The following PCDHGA7 variants were observed in gnomAD, a reference collection of about 807,000 sequenced individuals.
The protein encoded by PCDHGA7 is protocadherin gamma-A7.
A neutral mutation model predicts 58.3 loss-of-function variants in PCDHGA7; 44 were observed. The observed-to-expected ratio is 0.75, with a 90% CI of 0.59 to 0.97. The LOEUF (loss-of-function observed/expected upper bound fraction) is 0.97. PCDHGA7 is among the 50% of genes least tolerant of loss of function. The pLI, the probability that PCDHGA7 is intolerant of heterozygous loss-of-function variation, is 0.00. For synonymous variants in PCDHGA7, 516 were observed against 504.2 expected (o/e 1.02, Z -0.31); for missense variants, 1,266 against 1,188.7 (o/e 1.06, Z -0.96).
chr5:141,397,039 A>G (rs2093467837), intron 1 of PCDHGA7, among the ~76,000 whole-genome samples: 1 of 152,236 alleles, frequency 6.6e-6, no homozygotes, highest in Non-Finnish European at 1.5e-5. Context: ...CCACAAATTT[A>G]TGTAAATGAA....
chr5:141,408,448 G>A, intron 1 of PCDHGA7: 4 of 1,614,054 alleles, frequency 2.5e-6, no homozygotes, highest in Non-Finnish European at 2.5e-6. Context: ...CGGAGAGCGG[G>A]GACTTACTTG....
intron 1 of PCDHGA7, chr5:141,442,062 G>A (rs1001398926): frequency 7.0e-5 from 13 of 185,900 alleles, no homozygotes; most frequent in Admixed American, 1.3e-4. Context: ...GGTGCACTGC[G>A]GTGGACAGCC....
intron 1 of PCDHGA7, among the ~76,000 whole-genome samples, chr5:141,443,202 C>T (rs546748238): frequency 2.6e-5 from 4 of 152,172 alleles, no homozygotes; most frequent in Non-Finnish European, 1.5e-5. Flanking sequence ...GTACAAAGAG[C>T]TTGTCTCGCC....
chr5:141,404,455 C>T, intron 1 of PCDHGA7: 1 of 1,611,994 alleles, frequency 6.2e-7, no homozygotes, highest in Non-Finnish European at 8.5e-7. Context: ...GGTCTCCTCT[C>T]TCCACCTATG....
At chr5:141,427,870 C>T (rs773176633) in intron 1 of PCDHGA7, 86 of 1,558,630 alleles carry the variant, frequency 5.5e-5, no homozygotes, top group Non-Finnish European at 4.8e-5. Context: ...TTCGAGCTCA[C>T]GATGCAGGCC....
In PCDHGA7 at chr5:141,432,856, G is replaced by C; in HGVS notation, c.2424+47533G>C. 1 of 1,614,142 alleles carries C rather than the reference G, an allele frequency of 6.2e-7. No homozygotes were observed. The highest frequency in any genetic ancestry group is 1.7e-5 in the Admixed American group (1 of 60,030). On this transcript the variant is annotated intron_variant, in intron 1 of 3. Coordinates refer to ENST00000518325, the MANE Select transcript of PCDHGA7 (RefSeq NM_018920.4). This position sits in a 1 kb window ranked among gnomAD's most constrained non-coding sequence, Gnocchi z 6.0. Reference sequence around the variant, plus strand: ...TGTACCTGGTGGTAGCGGTGGCCGCGGTCTCCTGCGTCTTCCTGGCCTTCG... The same window carrying C: ...TGTACCTGGTGGTAGCGGTGGCCGCCGTCTCCTGCGTCTTCCTGGCCTTCG...
At position 141,511,940 on chromosome 5, in the gene PCDHGA7, G is replaced by A. The variant is rs2099884015; in HGVS notation, c.*767G>A. 1 of 154,118 alleles carries A rather than the reference G, an allele frequency of 6.5e-6. No homozygotes were observed. The highest frequency in any genetic ancestry group is 1.9e-4 in the East Asian group (1 of 5,214). 9.5% of individuals were successfully genotyped at this position (154,118 alleles called of 1,614,324 possible). ...TCCACTGCATGTTCCAAGACAGTAT[G>A]GGGTGGTAAGATAAGGAAGGGAAGT... On this transcript the variant is annotated 3_prime_UTR_variant, in exon 4 of 4. Coordinates refer to ENST00000518325, the MANE Select transcript of PCDHGA7 (RefSeq NM_018920.4).
chr5:141,414,909 C>G (rs1230113440), intron 1 of PCDHGA7: 4 of 1,614,220 alleles, frequency 2.5e-6, no homozygotes, highest in Non-Finnish European at 3.4e-6. Context: ...GTTCCACAGG[C>G]GTGGAGCTGG....
chr5:141,510,221 C>T lies in PCDHGA7; in HGVS notation c.2573-726C>T, dbSNP rs891359580. On this transcript the variant is annotated intron_variant, in intron 3 of 3. Transcript: ENST00000518325. The stretch of plus-strand genomic sequence containing the variant: ...CCAGGAGGCAGAGGTTGCAGTGAGC[C>T]GGGATCGCGCCACTGCACTCCAGGC... Among the ~76,000 whole-genome samples, 12 of 150,616 alleles carry T rather than the reference C, an allele frequency of 8.0e-5. No homozygotes were observed. In the East Asian group the frequency reaches 1.2e-3, roughly 15 times the overall value.
In PCDHGA7 at chr5:141,384,960, T is replaced by C; in HGVS notation, c.2061T>C (p.Tyr687=). ...AGCCCTCCGACGGTCCTTACAACTA[T>C]GACCTCACGTTGTACCTGGTGGTGG... ...SLEPSDGPYN[Y]DLTLYLVVAV... Residue 687 remains tyrosine (Y), a synonymous_variant, in exon 1 of 4, where the codon TAT becomes TAC. Transcript: ENST00000518325. 2.5e-6 allele frequency: 4 copies of C among 1,613,970 alleles called. No homozygotes were observed. Among genetic ancestry groups the C allele is most frequent in the Non-Finnish European group, 3.4e-6 (4 of 1,179,984 alleles).
intron 1 of PCDHGA7, among the ~76,000 whole-genome samples, chr5:141,434,848 C>T (rs1224972794): frequency 6.6e-6 from 1 of 151,786 alleles, no homozygotes; most frequent in Non-Finnish European, 1.5e-5. Context: ...AAGCAGACAT[C>T]AATAAATTTA....
chr5:141,410,849 C>CTTTTTTTTTTT lies in PCDHGA7; in HGVS notation c.2424+25538_2424+25548dup, dbSNP rs759346998. On this transcript the variant is annotated intron_variant, in intron 1 of 3. Coordinates refer to ENST00000518325, the MANE Select transcript of PCDHGA7 (RefSeq NM_018920.4). ...CAGACTGAAGATATTTTGTCTTTGT[C>CTTTTTTTTTTT]TTTTTTTTTTTTTTTTTTTTTTGAG... 217 of 138,154 alleles carry CTTTTTTTTTTT rather than the reference C, an allele frequency of 1.6e-3. 10 individuals carry two copies. The highest frequency in any genetic ancestry group is 4.0e-3 in the African/African-American group (66 of 16,622). The allele number at this position is 138,154 out of a possible 1,614,324, so 8.6% of individuals were successfully genotyped here.
intron 1 of PCDHGA7, among the ~76,000 whole-genome samples, chr5:141,472,862 T>C (rs770564770): frequency 1.3e-5 from 2 of 150,322 alleles, no homozygotes; most frequent in South Asian, 4.2e-4. Flanking sequence ...GGCACATGCC[T>C]GTATTCCCAG....
chr5:141,470,488 T>A (rs2099231812), intron 1 of PCDHGA7, among the ~76,000 whole-genome samples: 2 of 152,234 alleles, frequency 1.3e-5, no homozygotes, highest in South Asian at 4.1e-4. Flanking sequence ...CCTCTGGGAA[T>A]AATATTAGGT....
intron 1 of PCDHGA7, chr5:141,410,353 C>T: frequency 1.9e-6 from 3 of 1,614,078 alleles, no homozygotes; most frequent in Non-Finnish European, 2.5e-6. Flanking sequence ...GCCTGCGACG[C>T]TCTCTCAGCC....
chr5:141,400,220 T>C, intron 1 of PCDHGA7: 1 of 1,614,006 alleles, frequency 6.2e-7, no homozygotes. Context: ...ATCTCAGTGC[T>C]CTTCCTCCTG....
intron 1 of PCDHGA7, among the ~76,000 whole-genome samples, chr5:141,452,579 A>G (rs1320327475): frequency 6.6e-6 from 1 of 151,944 alleles, no homozygotes; most frequent in Non-Finnish European, 1.5e-5. Context: ...CCCCCTTTCC[A>G]TCTTTGTATT....
At chr5:141,503,384 C>G (rs898225633) in intron 2 of PCDHGA7, among the ~76,000 whole-genome samples, 1 of 151,906 alleles carries the variant, frequency 6.6e-6, no homozygotes, top group Non-Finnish European at 1.5e-5. Flanking sequence ...ATCATGAGGT[C>G]AGGAGTTCGA....
At chr5:141,504,990 C>T (rs1056476591) in intron 2 of PCDHGA7, among the ~76,000 whole-genome samples, 3 of 151,976 alleles carry the variant, frequency 2.0e-5, no homozygotes, top group Non-Finnish European at 2.9e-5. Context: ...GGTGAAACCC[C>T]GTCTGTACTA....
Sources: gnomAD v4.1 joint callset for allele counts (sites outside exome capture counted in the v4.1 genomes callset) on GRCh38, gnomAD v4.1.1 for gene constraint, Gnocchi (gnomAD v3.1) non-coding constraint, MANE v1.5 for transcripts, NCBI Gene and HGNC (gene_info 2026-07-23, HGNC 2026-07-21) for gene names.